NRXN1: variants seen among roughly 807,000 people sequenced by gnomAD.
NRXN1 encodes the protein neurexin-1.
NRXN1 carries 39 observed loss-of-function variants against 150.9 expected under a neutral mutation model. That is an observed-to-expected ratio of 0.26 (90% confidence interval 0.20 to 0.34). NRXN1 has a LOEUF of 0.34. Ranked by LOEUF, NRXN1 falls within the 10% of genes least tolerant of loss-of-function variation. NRXN1 has a pLI of 1.00. For missense variants in NRXN1, 1,815 were observed against 1,949.9 expected, an observed-to-expected ratio of 0.93 and a Z score of 1.30; for synonymous variants, 924 against 757.0, an observed-to-expected ratio of 1.22 and a Z score of -3.62.
intron 17 of NRXN1, among the ~76,000 whole-genome samples, chr2:50,350,508 G>A (rs1406399970): frequency 5.9e-5 from 9 of 152,100 alleles, no homozygotes; most frequent in Non-Finnish European, 1.2e-4. Context: ...GAACACAAAC[G>A]TTTGCCATTC....
intron 5 of NRXN1, among the ~76,000 whole-genome samples, chr2:50,878,865 C>A (rs2103655962): frequency 6.6e-6 from 1 of 152,064 alleles, no homozygotes; most frequent in Middle Eastern, 3.4e-3. Flanking sequence ...CAAAGATTCT[C>A]ATGTACAAAC....
chr2:49,998,451 G>T (rs966431435), intron 21 of NRXN1, among the ~76,000 whole-genome samples: 6 of 151,972 alleles, frequency 3.9e-5, no homozygotes, highest in African/African-American at 1.4e-4. Flanking sequence ...GTACTTGGTT[G>T]CTTTTTATAT....
intron 2 of NRXN1, among the ~76,000 whole-genome samples, chr2:51,010,659 A>G (rs1194583507): frequency 1.3e-5 from 2 of 152,046 alleles, no homozygotes; most frequent in Non-Finnish European, 2.9e-5. Flanking sequence ...ACACATTTAC[A>G]TTTTCATAGT....
intron 5 of NRXN1, among the ~76,000 whole-genome samples, chr2:50,794,231 C>T (rs1008926813): frequency 3.9e-5 from 6 of 152,056 alleles, no homozygotes; most frequent in Admixed American, 3.9e-4. Flanking sequence ...CAAGAGTGAC[C>T]TTGTTTCAAG....
intron 21 of NRXN1, among the ~76,000 whole-genome samples, chr2:50,013,596 T>G (rs915598964): frequency 1.3e-5 from 2 of 152,184 alleles, no homozygotes; most frequent in South Asian, 4.1e-4. Flanking sequence ...TGAAGAGTCT[T>G]ATGGATGAAA....
At chr2:51,017,256 A>T (rs1459672448) in intron 2 of NRXN1, among the ~76,000 whole-genome samples, 1 of 151,994 alleles carries the variant, frequency 6.6e-6, no homozygotes, top group Non-Finnish European at 1.5e-5. Context: ...AGTATAATTT[A>T]AAAAAATAAA....
intron 5 of NRXN1, among the ~76,000 whole-genome samples, chr2:50,823,515 C>T (rs1670021342): frequency 6.6e-6 from 1 of 152,138 alleles, no homozygotes; most frequent in African/African-American, 2.4e-5. Flanking sequence ...GCAACATCAA[C>T]ATTCACATTC....
At chr2:50,699,622 C>A (rs1693445498) in intron 5 of NRXN1, among the ~76,000 whole-genome samples, 4 of 152,014 alleles carry the variant, frequency 2.6e-5, no homozygotes. Flanking sequence ...AACAAGGAAA[C>A]TGGACCTTAG....
intron 15 of NRXN1, among the ~76,000 whole-genome samples, chr2:50,472,716 T>C (rs2089622662): frequency 6.6e-6 from 1 of 151,584 alleles, no homozygotes; most frequent in African/African-American, 2.4e-5. Context: ...GTGGTCAAAT[T>C]GAAGGAATGT....
intron 17 of NRXN1, among the ~76,000 whole-genome samples, chr2:50,373,679 A>AAAGAAGGAAGGAAAGAAAG (rs1553513456): frequency 6.1e-5 from 4 of 65,676 alleles, no homozygotes; most frequent in African/African-American, 2.4e-4. Flanking sequence ...AGAAAGAAAG[A>AAAGAAGGAAGGAAAGAAAG]AAAGAAAGAA....
At chr2:50,045,181 C>G (rs1691622477) in intron 21 of NRXN1, among the ~76,000 whole-genome samples, 1 of 128,670 alleles carries the variant, frequency 7.8e-6, no homozygotes, top group African/African-American at 2.8e-5. Flanking sequence ...ACAACAACAA[C>G]AACAAAACTA....
intron 11 of NRXN1, among the ~76,000 whole-genome samples, chr2:50,530,506 C>T (rs753374389): frequency 6.6e-6 from 1 of 152,070 alleles, no homozygotes; most frequent in East Asian, 1.9e-4. Flanking sequence ...TTTCCTAATT[C>T]AGCCTGGTTT....
chr2:50,020,812 T>C (rs1180964172), intron 21 of NRXN1, among the ~76,000 whole-genome samples: 1 of 152,174 alleles, frequency 6.6e-6, no homozygotes, highest in African/African-American at 2.4e-5. Flanking sequence ...GTATGTATAA[T>C]TACAGTAGTA....
chr2:50,797,991 AT>A (rs1707084379), intron 5 of NRXN1, among the ~76,000 whole-genome samples: 1 of 152,152 alleles, frequency 6.6e-6, no homozygotes, highest in South Asian at 2.1e-4. Flanking sequence ...TATATTTGAT[AT>A]TTGTTATTTG....
At chr2:50,082,998 T>A (rs897108343) in intron 19 of NRXN1, among the ~76,000 whole-genome samples, 28 of 152,200 alleles carry the variant, frequency 1.8e-4, no homozygotes, top group African/African-American at 6.8e-4. Flanking sequence ...AATCAGCATA[T>A]TCTGAAAGCA....
In NRXN1 at chr2:50,107,541, T is replaced by TATATA. The variant is rs113045952; in HGVS notation, c.3547-16048_3547-16047insTATAT. 2.8e-3 allele frequency among the ~76,000 whole-genome samples: 309 copies of TATATA among 111,772 alleles called. 1 individual carries two copies. The highest frequency in any genetic ancestry group is 3.7e-3 in the African/African-American group (110 of 29,926). The allele number at this position is 111,772 out of a possible 152,430, so 73.3% of individuals were successfully genotyped here. A position where few individuals can be genotyped will look rare whatever the true frequency, so the allele number is the denominator to read the frequency against. ...ACTACATATATATATATATATATAT[T>TATATA]TTTTTTTTTTACCCAAGTACTACAA... On this transcript the variant is annotated intron_variant, in intron 18 of 22. Coordinates refer to ENST00000401669, the MANE Select transcript of NRXN1 (RefSeq NM_001330078.2).
chr2:50,538,989 C>A (rs953218511), intron 9 of NRXN1, among the ~76,000 whole-genome samples: 2 of 152,126 alleles, frequency 1.3e-5, no homozygotes, highest in Non-Finnish European at 2.9e-5. Flanking sequence ...AAGTCAGATT[C>A]CCCTGGGTTA....
chr2:50,742,292 C>A (rs531391349), intron 5 of NRXN1, among the ~76,000 whole-genome samples: 1 of 150,502 alleles, frequency 6.6e-6, no homozygotes, highest in Admixed American at 6.6e-5. Context: ...TTTTTCTTTT[C>A]TGCCCTTAAA....
chr2:51,003,967 TA>T (rs1246493402), intron 2 of NRXN1, among the ~76,000 whole-genome samples: 1 of 151,892 alleles, frequency 6.6e-6, no homozygotes, highest in African/African-American at 2.4e-5. Context: ...CCGGTTTTAC[TA>T]ATCCCTTTCC....
Sources: allele counts gnomAD v4.1 joint callset (sites outside exome capture counted in the v4.1 genomes callset), GRCh38; gene constraint gnomAD v4.1.1; transcripts MANE v1.5; gene names NCBI Gene and HGNC (gene_info 2026-07-23, HGNC 2026-07-21).